EFCAB8: variants seen among roughly 807,000 people sequenced by gnomAD.
EFCAB8 encodes EF-hand calcium binding domain 8.
Under a neutral mutation model 116.3 loss-of-function variants are expected in EFCAB8, and 100 were observed. The ratio of observed to expected loss-of-function variants is 0.86; its 90% CI spans 0.73 to 1.02. The LOEUF (loss-of-function observed/expected upper bound fraction) is 1.02. Ranked by LOEUF, EFCAB8 falls within the 50% of genes least tolerant of loss-of-function variation. EFCAB8 has a pLI of 0.00. For synonymous variants in EFCAB8, 558 were observed against 567.9 expected (o/e 0.98, Z 0.25); for missense variants, 1,320 against 1,416.9 (o/e 0.93, Z 1.10).
Position 32,861,933 on chromosome 20 carries a change from T to G in EFCAB8, c.-10-1850T>G, listed in dbSNP as rs73262381. On this transcript the variant is annotated intron_variant, in intron 1 of 26. Coordinates refer to ENST00000400522, the MANE Select transcript of EFCAB8 (RefSeq NM_001143967.2). Reference sequence around the variant, plus strand: ...ACAGAAATGAACTTAACATTTTACATACACTTTAGTTTTTTCACTGGTAAC... The same window carrying G: ...ACAGAAATGAACTTAACATTTTACAGACACTTTAGTTTTTTCACTGGTAAC... Among the ~76,000 whole-genome samples, 1,170 of 152,156 alleles carry G rather than the reference T, an allele frequency of 7.7e-3. 9 individuals are homozygous for G. The highest frequency in any genetic ancestry group is 0.027 in the African/African-American group (1,113 of 41,496).
At chr20:32,860,441 G>A (rs1600348745) in intron 1 of EFCAB8, among the ~76,000 whole-genome samples, 1 of 150,940 alleles carries the variant, frequency 6.6e-6, no homozygotes, top group East Asian at 1.9e-4. Flanking sequence ...GCATGTATCG[G>A]ATCAGGAGGT....
chr20:32,908,874 G>A (rs765470389), intron 14 of EFCAB8, among the ~76,000 whole-genome samples: 1 of 152,236 alleles, frequency 6.6e-6, no homozygotes, highest in Non-Finnish European at 1.5e-5. Flanking sequence ...GGGAAACTGA[G>A]TCACAGATAG....
At chr20:32,960,231 C>T (rs1989105802) in intron 26 of EFCAB8, 70 bp downstream of exon 26, 3 of 1,395,364 alleles carry the variant, frequency 2.1e-6, no homozygotes, top group Admixed American at 2.0e-5. Context: ...CCACCAGCAG[C>T]CACCCTTGTG....
Position 32,906,900 on chromosome 20 carries a change from C to G in EFCAB8, c.1214C>G (p.Pro405Arg). 1 of 1,551,282 alleles carries G rather than the reference C, an allele frequency of 6.4e-7. No individual in the cohort carries two copies. The highest frequency in any genetic ancestry group is 1.2e-5 in the South Asian group (1 of 84,040). Residue 405 changes from proline (P) to arginine (R), a missense_variant, in exon 13 of 27, where the codon CCC (proline) becomes CGC (arginine). Pro to Arg is a moderately radical substitution (Grantham distance 103, BLOSUM62 -2). Transcript: ENST00000400522. Reference sequence around the variant, plus strand: ...TGGAACCCCTTTGTCTCAAAGAGGCCCGTGTGGCTGATGAAGGGACACCAG... The same window carrying G: ...TGGAACCCCTTTGTCTCAAAGAGGCGCGTGTGGCTGATGAAGGGACACCAG... ...RLWNPFVSKR[P>R]VWLMKGHQTS...
intron 4 of EFCAB8, 90 bp downstream of exon 4, chr20:32,876,134 C>T: frequency 8.8e-7 from 1 of 1,132,420 alleles, no homozygotes; most frequent in Non-Finnish European, 1.3e-6. Flanking sequence ...GATGGGAGGC[C>T]ATCACGATGT....
At position 32,917,301 on chromosome 20, in the gene EFCAB8, G is replaced by A; in HGVS notation, c.1857G>A (p.Leu619=). 1 of 1,551,010 alleles carries A rather than the reference G, an allele frequency of 6.4e-7. No homozygotes were observed. Among genetic ancestry groups the A allele is most frequent in the Non-Finnish European group, 8.7e-7 (1 of 1,146,506 alleles). The change falls in exon 18 of 27, where the codon CTG becomes CTA. Residue 619 remains leucine, a splice_region_variant and synonymous_variant. Coordinates refer to ENST00000400522, the MANE Select transcript of EFCAB8 (RefSeq NM_001143967.2). ...CTCCTGCCTCTGGCCATATGCACAG[G>A]TTCCACAAGACCAAGCCAGTGCTCT... ...TGWSKRITHF[L]FHKTKPVLLC...
chr20:32,881,685 A>G (rs4911270), intron 5 of EFCAB8, among the ~76,000 whole-genome samples: 141,308 of 152,294 alleles, frequency 0.93, 65,726 homozygotes, highest in East Asian at 1. Flanking sequence ...TATCTGGATC[A>G]TTGGTAGCAA....
At chr20:32,900,647 A>G (rs1986379898) in intron 11 of EFCAB8, among the ~76,000 whole-genome samples, 1 of 151,820 alleles carries the variant, frequency 6.6e-6, no homozygotes, top group Non-Finnish European at 1.5e-5. Context: ...GCTCACTGCA[A>G]CCTCCGCCTC....
At chr20:32,873,638 G>A (rs893839112) in intron 3 of EFCAB8, among the ~76,000 whole-genome samples, 11 of 151,656 alleles carry the variant, frequency 7.3e-5, no homozygotes, top group Non-Finnish European at 8.8e-5. Context: ...TGGAGAGGGC[G>A]GATCACTTGA....
At chr20:32,862,102 A>G (rs769695978) in intron 1 of EFCAB8, among the ~76,000 whole-genome samples, 2 of 148,610 alleles carry the variant, frequency 1.3e-5, no homozygotes, top group African/African-American at 2.5e-5. Context: ...CAGTCCCCAG[A>G]TTTCCAGATA....
At chr20:32,930,732 G>T in intron 21 of EFCAB8, 116 bp downstream of exon 21, 10 of 1,030,876 alleles carry the variant, frequency 9.7e-6, no homozygotes, top group Non-Finnish European at 1.3e-5. Context: ...GGTTCCATTT[G>T]TGAAACAATG....
chr20:32,944,929 C>T (rs1988536567), intron 23 of EFCAB8, among the ~76,000 whole-genome samples: 1 of 151,738 alleles, frequency 6.6e-6, no homozygotes, highest in African/African-American at 2.4e-5. Context: ...GTCTCTCTCT[C>T]CTCCTTCTAG....
At chr20:32,883,526 G>A (rs1985449222) in intron 5 of EFCAB8, among the ~76,000 whole-genome samples, 1 of 152,150 alleles carries the variant, frequency 6.6e-6, no homozygotes, top group Admixed American at 6.6e-5. Context: ...ACATACCTCT[G>A]TTTTATAGCA....
rs1989161141 is a variant in EFCAB8 at position 32,961,709 on chromosome 20, C to A, written c.*100C>A. On this transcript the variant is annotated 3_prime_UTR_variant, in exon 27 of 27. Transcript: ENST00000400522. The stretch of plus-strand genomic sequence containing the variant: ...TCCCTACCAGACCCAGAGGATGTGG[C>A]TCTTCCCCCGGCCACCCCACTGGGC... 1.4e-6 allele frequency: 1 copy of A among 728,320 alleles called. No individual in the cohort carries two copies. The highest frequency in any genetic ancestry group is 1.8e-5 in the African/African-American group (1 of 54,992). The allele number at this position is 728,320 out of a possible 1,614,324, so 45.1% of individuals were successfully genotyped here. A position where few individuals can be genotyped will look rare whatever the true frequency, so the allele number is the denominator to read the frequency against.
At chr20:32,939,169 T>G (rs1162908393) in intron 22 of EFCAB8, among the ~76,000 whole-genome samples, 4 of 102,198 alleles carry the variant, frequency 3.9e-5, no homozygotes, top group Non-Finnish European at 8.4e-5. Flanking sequence ...CTTTCTTTCT[T>G]TCTTTCTTTC....
Position 32,899,404 on chromosome 20 carries a change from CA to C in EFCAB8, c.1088+798del, listed in dbSNP as rs113891250. Among the ~76,000 whole-genome samples the C allele has an allele frequency of 4.0e-3, 372 of 93,674 alleles. 5 individuals carry two copies. Among genetic ancestry groups the C allele is most frequent in the South Asian group, 6.2e-3 (15 of 2,410 alleles). The allele number at this position is 93,674 out of a possible 152,430, so 61.5% of individuals were successfully genotyped here. On this transcript the variant is annotated intron_variant, in intron 11 of 26. Coordinates refer to ENST00000400522, the MANE Select transcript of EFCAB8 (RefSeq NM_001143967.2). ...TGGGGGACACAGTGAGACTCCGTCT[CA>C]AAAAAAAAAAAAAAAAGAAAAACCA...
At chr20:32,900,927 C>T (rs1335711096) in intron 11 of EFCAB8, among the ~76,000 whole-genome samples, 4 of 152,216 alleles carry the variant, frequency 2.6e-5, no homozygotes, top group Non-Finnish European at 4.4e-5. Context: ...TGGTCTCGAT[C>T]TCTTGACCTC....
At chr20:32,957,940 A>G (rs1278768893) in intron 23 of EFCAB8, among the ~76,000 whole-genome samples, 3 of 151,880 alleles carry the variant, frequency 2.0e-5, no homozygotes, top group East Asian at 3.9e-4. Context: ...AACTTTAAAA[A>G]TCCTGCAGCA....
chr20:32,872,075 C>A (rs1984710215), intron 3 of EFCAB8, among the ~76,000 whole-genome samples: 1 of 152,186 alleles, frequency 6.6e-6, no homozygotes, highest in Non-Finnish European at 1.5e-5. Flanking sequence ...TTTAGCAAGG[C>A]ATGATTTCTT....
Sources: allele counts gnomAD v4.1 joint callset (sites outside exome capture counted in the v4.1 genomes callset), GRCh38; gene constraint gnomAD v4.1.1; transcripts MANE v1.5; gene names NCBI Gene and HGNC (gene_info 2026-07-23, HGNC 2026-07-21).